Variants in MYOM1 observed in about 807,000 individuals in gnomAD.
The protein encoded by MYOM1 is myomesin 1.
Under a neutral mutation model 205.3 loss-of-function variants are expected in MYOM1, and 164 were observed. The ratio of observed to expected loss-of-function variants is 0.80; its 90% CI spans 0.70 to 0.91. The LOEUF (loss-of-function observed/expected upper bound fraction) is 0.91, where lower values mean the gene tolerates loss of function less well. Among genes scored for constraint, MYOM1 ranks in the 40% least tolerant of loss-of-function variants. The pLI, the probability that MYOM1 is intolerant of heterozygous loss-of-function variation, is 0.00. For synonymous variants in MYOM1, 772 were observed against 789.4 expected, an observed-to-expected ratio of 0.98 and a Z score of 0.37; for missense variants, 2,011 against 2,127.3, an observed-to-expected ratio of 0.95 and a Z score of 1.08.
At chr18:3,161,868 TA>T (rs2080395547) in intron 10 of MYOM1, among the ~76,000 whole-genome samples, 1 of 152,190 alleles carries the variant, frequency 6.6e-6, no homozygotes, top group Non-Finnish European at 1.5e-5. Flanking sequence ...ATGAGAATTC[TA>T]ACATTTTTTG....
the MYOM1 span, among the ~76,000 whole-genome samples, chr18:3,233,212 C>T: frequency 7.2e-5 from 11 of 152,248 alleles, no homozygotes; most frequent in East Asian, 3.9e-4. Flanking sequence ...CCTAGTGGAC[C>T]GTACAGAAGT....
chr18:3,083,947 A>AGG, intron 32 of MYOM1, 42 bp downstream of exon 32: 1 of 1,581,964 alleles, frequency 6.3e-7, no homozygotes, highest in East Asian at 2.3e-5. Context: ...TCCTGGCAGG[A>AGG]GGATCATAAA....
chr18:3,198,777 T>G (rs555123800), intron 2 of MYOM1, among the ~76,000 whole-genome samples: 2 of 149,752 alleles, frequency 1.3e-5, no homozygotes, highest in African/African-American at 2.5e-5. Context: ...AGGGAGACTC[T>G]GTCTCAAAAA....
chr18:3,078,626 G>A (rs1325173207), intron 34 of MYOM1, among the ~76,000 whole-genome samples: 1 of 151,824 alleles, frequency 6.6e-6, no homozygotes, highest in African/African-American at 2.4e-5. Flanking sequence ...TGAAGAGCTG[G>A]GGCCTCACTA....
intron 6 of MYOM1, 146 bp from the exon 7 acceptor site, chr18:3,174,354 T>A: frequency 1.5e-6 from 1 of 674,162 alleles, no homozygotes; most frequent in East Asian, 2.6e-5. Flanking sequence ...TACAGCTATT[T>A]GTCTCTGATC....
chr18:3,080,047 A>G (rs1416631910), intron 33 of MYOM1, among the ~76,000 whole-genome samples: 1 of 152,218 alleles, frequency 6.6e-6, no homozygotes, highest in Non-Finnish European at 1.5e-5. Flanking sequence ...CTACAGATAT[A>G]GACGAACTAA....
intron 29 of MYOM1, among the ~76,000 whole-genome samples, chr18:3,088,585 G>A (rs1438750600): frequency 2.6e-5 from 4 of 152,010 alleles, no homozygotes; most frequent in Non-Finnish European, 2.9e-5. Context: ...CTCACCCACC[G>A]GTTCCTTACC....
chr18:3,157,680 A>AAATAATAATAATAAT (rs55669820), intron 10 of MYOM1, among the ~76,000 whole-genome samples: 1 of 139,732 alleles, frequency 7.2e-6, no homozygotes, highest in African/African-American at 2.6e-5. Context: ...TTGTCTCCAA[A>AAATAATAATAATAAT]AATAATAATA....
intron 34 of MYOM1, among the ~76,000 whole-genome samples, chr18:3,077,242 C>G (rs1302630089): frequency 3.9e-4 from 60 of 151,960 alleles, no homozygotes; most frequent in Non-Finnish European, 2.9e-5. Flanking sequence ...TGGTCTTGAA[C>G]TCCTGGGCTC....
intron 10 of MYOM1, 103 bp from the exon 11 acceptor site, chr18:3,155,191 A>G (rs1199780479): frequency 2.5e-6 from 3 of 1,183,576 alleles, no homozygotes; most frequent in East Asian, 2.7e-5. Context: ...ACAGTGGCTC[A>G]ATCTTTGGCC....
intron 11 of MYOM1, among the ~76,000 whole-genome samples, chr18:3,153,770 T>C (rs925118846): frequency 1.3e-5 from 2 of 152,236 alleles, no homozygotes; most frequent in Non-Finnish European, 2.9e-5. Context: ...TGCAAACCCA[T>C]TGTGCTAATA....
chr18:3,171,363 G>C lies in MYOM1; in HGVS notation c.1175-2382C>G, dbSNP rs140182172. Among the ~76,000 whole-genome samples the C allele has an allele frequency of 2.3e-3, 351 of 152,288 alleles. 2 individuals are homozygous for C. In the East Asian group the frequency reaches 0.026, roughly 11 times the overall value. ...TGGGCTGGTTCCAGAGCTGCCTTAG[G>C]GGGTAGAGGTGAGGGCTACCGCCAG... On this transcript the variant is annotated intron_variant, in intron 8 of 37. Coordinates refer to ENST00000356443, the MANE Select transcript of MYOM1 (RefSeq NM_003803.4).
intron 9 of MYOM1, among the ~76,000 whole-genome samples, chr18:3,167,365 G>A (rs1295233393): frequency 6.6e-6 from 1 of 152,120 alleles, no homozygotes; most frequent in Non-Finnish European, 1.5e-5. Flanking sequence ...GAGATTTATT[G>A]TTATTTTATT....
rs2079951777 is a variant in MYOM1, at chr18:3,135,871, T to C, written c.2026-141A>G. ...GACTGGAGGAGAGATGAGGAGGAAATAGGGGATGAGGCATCTGAAGTTCGT... is the reference window on the plus strand; with the variant it reads ...GACTGGAGGAGAGATGAGGAGGAAACAGGGGATGAGGCATCTGAAGTTCGT... On this transcript the variant is annotated intron_variant, in intron 14 of 37. Coordinates refer to ENST00000356443, the MANE Select transcript of MYOM1 (RefSeq NM_003803.4). The surrounding 1 kb of genome is among the most constrained non-coding windows in gnomAD (Gnocchi z 4.1). 8.7e-6 allele frequency: 8 copies of C among 917,538 alleles called. No homozygotes were observed. Among genetic ancestry groups the C allele is most frequent in the African/African-American group, 1.7e-5 (1 of 59,886 alleles). The allele number at this position is 917,538 out of a possible 1,614,324, so 56.8% of individuals were successfully genotyped here.
chr18:3,100,065 C>A, intron 25 of MYOM1, 94 bp downstream of exon 25: 1 of 1,279,172 alleles, frequency 7.8e-7, no homozygotes, highest in Non-Finnish European at 1.1e-6. Context: ...AAGAGTCTCT[C>A]TCTTAATCCC....
chr18:3,081,390 T>C (rs1379783572), intron 33 of MYOM1, among the ~76,000 whole-genome samples: 3 of 152,338 alleles, frequency 2.0e-5, no homozygotes, highest in African/African-American at 4.8e-5. Flanking sequence ...AGGGTTTTTT[T>C]CCCCTCTATG....
the MYOM1 span, among the ~76,000 whole-genome samples, chr18:3,226,669 C>T: frequency 2.0e-5 from 3 of 152,158 alleles, no homozygotes; most frequent in Non-Finnish European, 4.4e-5. This position sits in a 1 kb window ranked among gnomAD's most constrained non-coding sequence, Gnocchi z 4.6. Flanking sequence ...GTGGTATTTA[C>T]GTGTTTACTT....
At chr18:3,223,513 CTGAG>C (rs1278292112), upstream of MYOM1, among the ~76,000 whole-genome samples, 2 of 152,178 alleles carry the variant, frequency 1.3e-5, no homozygotes, top group Non-Finnish European at 1.5e-5. Flanking sequence ...CTGTGGTTTA[CTGAG>C]TAACTTTGAA....
chr18:3,120,513 C>T (rs73937189), intron 19 of MYOM1, among the ~76,000 whole-genome samples: 21,713 of 152,054 alleles, frequency 0.14, 1,769 homozygotes, highest in East Asian at 0.32. Context: ...ACAACCTGAG[C>T]GGGCTTGGAA....
Sources: gnomAD v4.1 joint callset for allele counts (sites outside exome capture counted in the v4.1 genomes callset) on GRCh38, gnomAD v4.1.1 for gene constraint, Gnocchi (gnomAD v3.1) non-coding constraint, MANE v1.5 for transcripts, NCBI Gene and HGNC (gene_info 2026-07-23, HGNC 2026-07-21) for gene names.